SUGCT: variants seen among roughly 807,000 people sequenced by gnomAD.
SUGCT encodes succinyl-CoA:glutarate CoA-transferase.
SUGCT carries 41 observed loss-of-function variants against 55.0 expected under a neutral mutation model. That is an observed-to-expected ratio of 0.74 (90% CI 0.58 to 0.97). SUGCT has a LOEUF of 0.97. Ranked by LOEUF, SUGCT falls within the 50% of genes least tolerant of loss-of-function variation. The probability of loss-of-function intolerance (pLI) is 0.00; values close to 1 mark genes in which losing one functional copy is unlikely to be tolerated. For missense variants in SUGCT, 568 were observed against 547.8 expected (o/e 1.04, Z -0.37); for synonymous variants, 187 against 200.4 (o/e 0.93, Z 0.56).
chr7:40,411,587 G>A (rs1032482614), intron 9 of SUGCT, among the ~76,000 whole-genome samples: 10 of 152,192 alleles, frequency 6.6e-5, no homozygotes, highest in African/African-American at 2.4e-4. Flanking sequence ...GAAGATAGAA[G>A]TAGATTGGTG....
At chr7:40,550,998 G>C (rs571859376) in intron 12 of SUGCT, among the ~76,000 whole-genome samples, 3 of 152,252 alleles carry the variant, frequency 2.0e-5, no homozygotes, top group African/African-American at 7.2e-5. Context: ...TCAGGTGCCT[G>C]TGGCAGCCTT....
intron 12 of SUGCT, among the ~76,000 whole-genome samples, chr7:40,624,976 C>T (rs1430948218): frequency 6.6e-6 from 1 of 152,030 alleles, no homozygotes; most frequent in Admixed American, 6.6e-5. Flanking sequence ...CTTATCTTTC[C>T]CCCCCAGTTG....
intron 8 of SUGCT, among the ~76,000 whole-genome samples, chr7:40,299,997 G>A (rs1474403965): frequency 6.6e-6 from 1 of 152,078 alleles, no homozygotes; most frequent in Non-Finnish European, 1.5e-5. Context: ...GCCGTCTAGG[G>A]GGGTTGTTTT....
intron 7 of SUGCT, among the ~76,000 whole-genome samples, chr7:40,269,304 T>A (rs1421417423): frequency 2.6e-5 from 4 of 152,028 alleles, no homozygotes; most frequent in Middle Eastern, 3.4e-3. Flanking sequence ...TTTACTTTTT[T>A]AATTTTTTAT....
chr7:40,637,654 C>G (rs1167026429), intron 12 of SUGCT, among the ~76,000 whole-genome samples: 3 of 152,240 alleles, frequency 2.0e-5, no homozygotes, highest in Admixed American at 2.0e-4. Context: ...ACAGCTTAGT[C>G]TCTCCATGTT....
At chr7:40,846,568 A>C (rs1793566502) in intron 13 of SUGCT, among the ~76,000 whole-genome samples, 1 of 152,210 alleles carries the variant, frequency 6.6e-6, no homozygotes, top group South Asian at 2.1e-4. Flanking sequence ...AGTGGGTTGG[A>C]ACAAGATAGA....
At chr7:40,574,581 G>A (rs942008372) in intron 12 of SUGCT, among the ~76,000 whole-genome samples, 5 of 152,124 alleles carry the variant, frequency 3.3e-5, no homozygotes, top group Non-Finnish European at 2.9e-5. Context: ...GCAAGCACAC[G>A]CCACCACACG....
intron 12 of SUGCT, among the ~76,000 whole-genome samples, chr7:40,615,013 G>A (rs1412347826): frequency 6.7e-6 from 1 of 149,944 alleles, no homozygotes; most frequent in African/African-American, 2.5e-5. Context: ...CCAAGATCAC[G>A]CCATTGCCCT....
At chr7:40,498,200 C>A (rs939912079) in intron 12 of SUGCT, among the ~76,000 whole-genome samples, 2 of 152,158 alleles carry the variant, frequency 1.3e-5, no homozygotes, top group African/African-American at 4.8e-5. Context: ...CTACAAACTG[C>A]CCTGTGTGTA....
chr7:41,018,908 CTTTT>C, the SUGCT span, among the ~76,000 whole-genome samples: 1 of 141,628 alleles, frequency 7.1e-6, no homozygotes. Flanking sequence ...CTAATATATT[CTTTT>C]TTTTTTTTTT....
chr7:41,037,982 A>C, the SUGCT span, among the ~76,000 whole-genome samples: 1 of 152,194 alleles, frequency 6.6e-6, no homozygotes, highest in Non-Finnish European at 1.5e-5. Flanking sequence ...CTCAGAACAC[A>C]GGAAAGGAAA....
chr7:41,004,386 CGTATTGTT>C, the SUGCT span, among the ~76,000 whole-genome samples: 19 of 152,146 alleles, frequency 1.2e-4, no homozygotes, highest in African/African-American at 3.9e-4. Context: ...TGAAGGCAGG[CGTATTGTT>C]GTTATTTGCT....
the SUGCT span, among the ~76,000 whole-genome samples, chr7:40,983,824 G>A: frequency 1.3e-5 from 2 of 152,260 alleles, no homozygotes; most frequent in East Asian, 3.9e-4. Flanking sequence ...GGAAATGATC[G>A]GTTTGCCTCT....
chr7:40,661,357 A>G (rs1440393129), intron 12 of SUGCT, among the ~76,000 whole-genome samples: 1 of 152,142 alleles, frequency 6.6e-6, no homozygotes, highest in Non-Finnish European at 1.5e-5. Context: ...AGATTCAGTT[A>G]CCATTATCCC....
At chr7:40,776,001 C>G (rs1291108050) in intron 13 of SUGCT, among the ~76,000 whole-genome samples, 4 of 152,194 alleles carry the variant, frequency 2.6e-5, no homozygotes, top group African/African-American at 9.6e-5. Flanking sequence ...TGGCCACTCA[C>G]CTGAGCCCTT....
intron 7 of SUGCT, among the ~76,000 whole-genome samples, chr7:40,240,986 A>T (rs1789343711): frequency 6.6e-6 from 1 of 152,214 alleles, no homozygotes; most frequent in Admixed American, 6.6e-5. Context: ...AAAGAAGGGC[A>T]GTGTCACTGG....
At chr7:40,566,696 C>G (rs771090273) in intron 12 of SUGCT, among the ~76,000 whole-genome samples, 2 of 152,104 alleles carry the variant, frequency 1.3e-5, no homozygotes, top group Non-Finnish European at 2.9e-5. Context: ...TTTGTTTCAT[C>G]GAGGAAGTGG....
chr7:40,525,911 G>A (rs1427342175), intron 12 of SUGCT, among the ~76,000 whole-genome samples: 1 of 152,126 alleles, frequency 6.6e-6, no homozygotes, highest in Non-Finnish European at 1.5e-5. Flanking sequence ...GGTCAGACTT[G>A]GGGACAATCT....
At chr7:40,317,859 G>A (rs1795523845) in intron 9 of SUGCT, among the ~76,000 whole-genome samples, 1 of 152,012 alleles carries the variant, frequency 6.6e-6, no homozygotes, top group Non-Finnish European at 1.5e-5. Context: ...TATATTCATG[G>A]CCCTTTACCT....
Sources: gnomAD v4.1 joint callset for allele counts (sites outside exome capture counted in the v4.1 genomes callset) on GRCh38, gnomAD v4.1.1 for gene constraint, MANE v1.5 for transcripts, NCBI Gene and HGNC (gene_info 2026-07-23, HGNC 2026-07-21) for gene names.